Variants in KLF13 observed in about 807,000 individuals in gnomAD.
KLF13 encodes the protein Krueppel-like factor 13.
KLF13 carries 8 observed loss-of-function variants against 16.7 expected under a neutral mutation model. That is an observed-to-expected ratio of 0.48 (90% CI 0.28 to 0.87). The LOEUF is 0.87. Ranked by LOEUF, KLF13 falls within the 40% of genes least tolerant of loss-of-function variation. The pLI is 0.10. For synonymous variants in KLF13, 245 were observed against 208.4 expected (o/e 1.18, Z -1.51); for missense variants, 447 against 452.2 (o/e 0.99, Z 0.10).
At chr15:31,345,468 T>A (rs995682011) in intron 1 of KLF13, among the ~76,000 whole-genome samples, 3 of 152,148 alleles carry the variant, frequency 2.0e-5, no homozygotes, top group Non-Finnish European at 4.4e-5. Flanking sequence ...AGCACTGGGG[T>A]GCGGGCAGAT....
upstream of KLF13, among the ~76,000 whole-genome samples, chr15:31,392,336 TG>T (rs2039883167): frequency 6.6e-6 from 1 of 152,208 alleles, no homozygotes. Context: ...TCAGTGAGAC[TG>T]GGGTAGACGC....
intron 1 of KLF13, among the ~76,000 whole-genome samples, chr15:31,363,334 A>G (rs1035787347): frequency 1.3e-5 from 2 of 152,176 alleles, no homozygotes; most frequent in Non-Finnish European, 2.9e-5. Context: ...TTTTCTTTTT[A>G]AAATTCCTGT....
At chr15:31,352,743 G>A (rs2039236547) in intron 1 of KLF13, among the ~76,000 whole-genome samples, 1 of 152,198 alleles carries the variant, frequency 6.6e-6, no homozygotes, top group Non-Finnish European at 1.5e-5. Flanking sequence ...TTTGCAAGCT[G>A]TTAGGTGGCA....
intron 1 of KLF13, among the ~76,000 whole-genome samples, chr15:31,383,706 C>T (rs1055459071): frequency 1.8e-4 from 28 of 152,216 alleles, no homozygotes; most frequent in African/African-American, 6.7e-4. Flanking sequence ...CGAGACCATC[C>T]TGGCTAACAC....
intron 1 of KLF13, among the ~76,000 whole-genome samples, chr15:31,327,995 C>T (rs1272200250): frequency 6.8e-6 from 1 of 148,034 alleles, no homozygotes; most frequent in Non-Finnish European, 1.5e-5. Flanking sequence ...AGCCGGCGCC[C>T]GCCAGGCGAC....
At chr15:31,383,183 C>T (rs2039749126) in intron 1 of KLF13, among the ~76,000 whole-genome samples, 1 of 152,328 alleles carries the variant, frequency 6.6e-6, no homozygotes, top group East Asian at 1.9e-4. Context: ...CACAGCTGCT[C>T]CCTGTCTCTT....
At chr15:31,333,667 A>G (rs2038874937) in intron 1 of KLF13, among the ~76,000 whole-genome samples, 1 of 151,990 alleles carries the variant, frequency 6.6e-6, no homozygotes, top group Admixed American at 6.6e-5. Flanking sequence ...CGCAGTCCAT[A>G]TTCAGTTCCC....
At chr15:31,398,795 A>G (rs1037939118) in intron 2 of KLF13, among the ~76,000 whole-genome samples, 1 of 152,110 alleles carries the variant, frequency 6.6e-6, no homozygotes, top group African/African-American at 2.4e-5. Context: ...CCTCTCCCCC[A>G]GGGCAGCTAT....
In KLF13 at chr15:31,326,989, C is replaced by A; in HGVS notation, c.-224C>A. ...CGCGCGGGGACCCCAGTCGCCCGCG[C>A]GCCCCATGCGCTCACTCTTCGGTGC... On this transcript the variant is annotated 5_prime_UTR_variant, in exon 1 of 2. Transcript: ENST00000307145. 1 of 186,982 alleles carries A rather than the reference C, an allele frequency of 5.3e-6. No homozygotes were observed. Among genetic ancestry groups the A allele is most frequent in the Non-Finnish European group, 1.0e-5 (1 of 96,706 alleles). The allele number at this position is 186,982 out of a possible 1,614,324, so 11.6% of individuals were successfully genotyped here. A position where few individuals can be genotyped will look rare whatever the true frequency, so the allele number is the denominator to read the frequency against.
At chr15:31,428,820 A>AAAAAAAAG (rs61521558) in intron 1 of KLF13, among the ~76,000 whole-genome samples, 31,535 of 73,102 alleles carry the variant, frequency 0.43, 8,152 homozygotes, top group Non-Finnish European at 0.49. Context: ...AAAAAAAAAA[A>AAAAAAAAG]AAAAAGAAAA....
At chr15:31,357,132 C>T (rs181345738) in intron 1 of KLF13, among the ~76,000 whole-genome samples, 6 of 152,276 alleles carry the variant, frequency 3.9e-5, no homozygotes, top group Admixed American at 6.5e-5. Flanking sequence ...CCACATTTTT[C>T]CTTCTGTATC....
chr15:31,420,506 G>A (rs567289534), intron 1 of KLF13: 1 of 624,866 alleles, frequency 1.6e-6, no homozygotes, highest in African/African-American at 1.8e-5. Context: ...TGTACTGTAT[G>A]GCATCAGGAC....
At chr15:31,433,705 T>A (rs530232382) in intron 1 of KLF13, among the ~76,000 whole-genome samples, 1 of 151,872 alleles carries the variant, frequency 6.6e-6, no homozygotes, top group Non-Finnish European at 1.5e-5. Context: ...ACCTCTGCCC[T>A]GAGAGCCCAG....
intron 1 of KLF13, among the ~76,000 whole-genome samples, chr15:31,343,845 C>G (rs540832356): frequency 6.6e-6 from 1 of 152,138 alleles, no homozygotes; most frequent in African/African-American, 2.4e-5. Flanking sequence ...CTCTGGTGCA[C>G]GAATTAACCT....
downstream of KLF13, among the ~76,000 whole-genome samples, chr15:31,405,943 C>T (rs1478603616): frequency 6.6e-6 from 1 of 152,142 alleles, no homozygotes; most frequent in Non-Finnish European, 1.5e-5. Context: ...TAATTAACAT[C>T]TCAAGAGATG....
chr15:31,396,542 C>A (rs900932285), intron 2 of KLF13, among the ~76,000 whole-genome samples: 1 of 152,126 alleles, frequency 6.6e-6, no homozygotes, highest in Non-Finnish European at 1.5e-5. Flanking sequence ...CTTAGGGAGT[C>A]GAAGCTGTCT....
upstream of KLF13, among the ~76,000 whole-genome samples, chr15:31,390,145 C>A (rs2039842221): frequency 6.6e-6 from 1 of 152,102 alleles, no homozygotes; most frequent in Non-Finnish European, 1.5e-5. Context: ...CAAGACCTCC[C>A]CTGCCCTCTC....
At chr15:31,387,616 G>A (rs1161996967) in intron 1 of KLF13, among the ~76,000 whole-genome samples, 1 of 152,222 alleles carries the variant, frequency 6.6e-6, no homozygotes, top group Non-Finnish European at 1.5e-5. Context: ...CTGCCTGTAC[G>A]AGAACTGGGT....
At chr15:31,380,977 G>T (rs1220395768), downstream of KLF13, among the ~76,000 whole-genome samples, 4 of 152,134 alleles carry the variant, frequency 2.6e-5, no homozygotes, top group Non-Finnish European at 5.9e-5. Context: ...TTTGAGACCA[G>T]CCTGGCTAAC....
Sources: gnomAD v4.1 joint callset for allele counts (sites outside exome capture counted in the v4.1 genomes callset) on GRCh38, gnomAD v4.1.1 for gene constraint, MANE v1.5 for transcripts, NCBI Gene and HGNC (gene_info 2026-07-23, HGNC 2026-07-21) for gene names.